CYTIP: variants seen among roughly 807,000 people sequenced by gnomAD.
CYTIP encodes the protein cytohesin 1 interacting protein, also known as cytohesin-interacting protein.
In CYTIP, 26 loss-of-function variants were observed where a neutral mutation model predicts 43.8. That is an observed-to-expected ratio of 0.59 (90% CI 0.44 to 0.82). The LOEUF (loss-of-function observed/expected upper bound fraction) is 0.82, where lower values mean the gene tolerates loss of function less well. CYTIP is among the 40% of genes least tolerant of loss of function. The pLI, the probability that CYTIP is intolerant of heterozygous loss-of-function variation, is 0.00. For synonymous variants in CYTIP, 162 were observed against 162.9 expected, an observed-to-expected ratio of 0.99 and a Z score of 0.04; for missense variants, 426 against 443.1, an observed-to-expected ratio of 0.96 and a Z score of 0.35.
intron 3 of CYTIP, among the ~76,000 whole-genome samples, chr2:157,431,169 T>C (rs761620307): frequency 3.0e-4 from 46 of 152,206 alleles, no homozygotes; most frequent in Non-Finnish European, 5.4e-4. Flanking sequence ...ACATCTGTCA[T>C]GAGAAAGAAA....
rs1212423836 is a variant in CYTIP at position 157,418,760 on chromosome 2, T to C, written c.547-171A>G. 4.6e-5 allele frequency among the ~76,000 whole-genome samples: 7 copies of C among 152,108 alleles called. No homozygotes were observed. The South Asian group carries it at 1.2e-3, about 27-fold the overall frequency. On this transcript the variant is annotated intron_variant, in intron 6 of 7. Coordinates refer to ENST00000264192, the MANE Select transcript of CYTIP (RefSeq NM_004288.5). ...ATTTTTGCTGTATAAAAGGAGGATATTGAGAATACTATGCCCTCAAAAAAT... is the reference window on the plus strand; with the variant it reads ...ATTTTTGCTGTATAAAAGGAGGATACTGAGAATACTATGCCCTCAAAAAAT...
chr2:157,439,688 T>A (rs965133959), intron 1 of CYTIP, among the ~76,000 whole-genome samples: 3 of 152,202 alleles, frequency 2.0e-5, no homozygotes, highest in Non-Finnish European at 4.4e-5. Context: ...AAATCTAGGT[T>A]TAGCAATTTG....
At chr2:157,436,162 A>G (rs577958107) in intron 1 of CYTIP, among the ~76,000 whole-genome samples, 1 of 152,312 alleles carries the variant, frequency 6.6e-6, no homozygotes, top group South Asian at 2.1e-4. Context: ...CAGACCCAAA[A>G]AGATTCTCTA....
Position 157,418,684 on chromosome 2 carries a change from A to AT in CYTIP, c.547-96dup, listed in dbSNP as rs572440780. The AT allele has an allele frequency of 5.4e-3, 6,422 of 1,183,978 alleles. 45 individuals carry two copies. Among genetic ancestry groups the AT allele is most frequent in the Non-Finnish European group, 5.1e-3 (4,361 of 858,906 alleles). 73.3% of individuals were successfully genotyped at this position (1,183,978 alleles called of 1,614,324 possible). ...TCTAGGTGTTGAGATTTGTCATTAA[A>AT]TTTTTTACCTTTCTTTCTAGTACTA... On this transcript the variant is annotated intron_variant, in intron 6 of 7. Coordinates refer to ENST00000264192, the MANE Select transcript of CYTIP (RefSeq NM_004288.5).
intron 6 of CYTIP, 111 bp from the exon 7 acceptor site, chr2:157,418,700 T>C: frequency 1.1e-6 from 1 of 935,444 alleles, no homozygotes. Context: ...TACCTTTCTT[T>C]CTAGTACTAC....
chr2:157,420,243 C>T (rs950258371), intron 6 of CYTIP, among the ~76,000 whole-genome samples: 1 of 152,148 alleles, frequency 6.6e-6, no homozygotes, highest in Admixed American at 6.5e-5. Flanking sequence ...AGGCTGGGCA[C>T]AGTGGCTCAC....
chr2:157,430,022 CAAAAA>C (rs768455650), intron 5 of CYTIP, among the ~76,000 whole-genome samples: 2 of 52,692 alleles, frequency 3.8e-5, no homozygotes, highest in African/African-American at 6.8e-5. Context: ...GACTCCGTCT[CAAAAA>C]AAAAAAAAAA....
intron 1 of CYTIP, 98 bp from the exon 2 acceptor site, chr2:157,434,845 T>G (rs367942473): frequency 3.8e-6 from 1 of 263,296 alleles, no homozygotes; most frequent in Middle Eastern, 1.3e-3. Flanking sequence ...TCTCTCTCTC[T>G]CTCTCACACA....
chr2:157,434,650 T>C (rs1431265719), intron 2 of CYTIP, 48 bp downstream of exon 2: 7 of 1,414,206 alleles, frequency 4.9e-6, no homozygotes, highest in African/African-American at 1.4e-5. Context: ...TGGAGAGCTA[T>C]GTTCCTAAAT....
At chr2:157,434,841 T>TCA (rs1175700891) in intron 1 of CYTIP, 94 bp from the exon 2 acceptor site, 98 of 444,464 alleles carry the variant, frequency 2.2e-4, no homozygotes, top group Non-Finnish European at 3.1e-4. Context: ...TCTCTCTCTC[T>TCA]CTCTCTCTCA....
At chr2:157,429,329 C>A (rs1429031169) in intron 5 of CYTIP, among the ~76,000 whole-genome samples, 77 of 152,296 alleles carry the variant, frequency 5.1e-4, no homozygotes, top group African/African-American at 1.9e-3. Flanking sequence ...TTTGACCATC[C>A]TTCTCTTCAT....
Position 157,415,996 on chromosome 2 carries a change from G to A in CYTIP, c.761C>T (p.Thr254Met), listed in dbSNP as rs765472831. The change falls in exon 8 of 8, where the codon ACG (threonine) becomes ATG (methionine). Residue 254 changes from threonine to methionine, a missense_variant. Transcript: ENST00000264192. ...SSCKSWLSSM[T>M]MDSEDGYQTC... ...CTGGTAGCCATCTTCACTGTCCATCGTCATGGAGCTCAGCCAGCTCTTACA... is the reference window on the plus strand; with the variant it reads ...CTGGTAGCCATCTTCACTGTCCATCATCATGGAGCTCAGCCAGCTCTTACA... 8.7e-6 allele frequency: 14 copies of A among 1,614,190 alleles called. No homozygotes were observed. The highest frequency in any genetic ancestry group is 3.3e-5 in the Admixed American group (2 of 60,034).
chr2:157,425,257 A>C (rs1037922995), intron 6 of CYTIP, among the ~76,000 whole-genome samples: 1 of 152,194 alleles, frequency 6.6e-6, no homozygotes, highest in Non-Finnish European at 1.5e-5. Flanking sequence ...CAGTGAAATA[A>C]AAACATTTTT....
In CYTIP at chr2:157,418,599, T is replaced by TAA. The variant is rs5835667; in HGVS notation, c.547-12_547-11dup. 17,659 of 1,351,028 alleles carry TAA rather than the reference T, an allele frequency of 0.013. 4 individuals carry two copies. Among genetic ancestry groups the TAA allele is most frequent in the South Asian group, 0.028 (1,833 of 65,630 alleles). The allele number at this position is 1,351,028 out of a possible 1,614,324, so 83.7% of individuals were successfully genotyped here. A position where few individuals can be genotyped will look rare whatever the true frequency, so the allele number is the denominator to read the frequency against. On this transcript the variant is annotated splice_polypyrimidine_tract_variant and intron_variant, in intron 6 of 7. Coordinates refer to ENST00000264192, the MANE Select transcript of CYTIP (RefSeq NM_004288.5). ...TTTGTTTCAAAGTTTGCTGTGAGAT[T>TAA]AAAAAAAAAAAAAAAAAGTTTTTAT...
At chr2:157,424,721 C>A (rs1461933424) in intron 6 of CYTIP, among the ~76,000 whole-genome samples, 1 of 152,024 alleles carries the variant, frequency 6.6e-6, no homozygotes, top group Non-Finnish European at 1.5e-5. Context: ...TGAAATCAAT[C>A]AAAACACCAA....
At chr2:157,416,980 T>TGTGA (rs1041462466) in intron 7 of CYTIP, among the ~76,000 whole-genome samples, 3 of 147,176 alleles carry the variant, frequency 2.0e-5, no homozygotes, top group Admixed American at 2.0e-4. Context: ...TGTGTGTGTG[T>TGTGA]GAGAGAGAGA....
chr2:157,418,967 C>T (rs935383577), intron 6 of CYTIP, among the ~76,000 whole-genome samples: 1 of 152,094 alleles, frequency 6.6e-6, no homozygotes, highest in African/African-American at 2.4e-5. Context: ...AGAGCCTAAA[C>T]CCCAGAAATG....
intron 6 of CYTIP, among the ~76,000 whole-genome samples, chr2:157,423,185 A>C (rs1275965394): frequency 6.6e-6 from 1 of 152,144 alleles, no homozygotes; most frequent in East Asian, 1.9e-4. Context: ...AAAACCGTAG[A>C]TCAATAAGGA....
At chr2:157,423,954 A>G (rs1685562517) in intron 6 of CYTIP, among the ~76,000 whole-genome samples, 1 of 152,216 alleles carries the variant, frequency 6.6e-6, no homozygotes, top group Non-Finnish European at 1.5e-5. Flanking sequence ...GACAAGCACT[A>G]TAAACACTAC....
Sources: allele counts gnomAD v4.1 joint callset (sites outside exome capture counted in the v4.1 genomes callset), GRCh38; gene constraint gnomAD v4.1.1; transcripts MANE v1.5; gene names NCBI Gene and HGNC (gene_info 2026-07-23, HGNC 2026-07-21).